The following STIM2 variants were observed in gnomAD, a reference collection of about 807,000 sequenced individuals.
The protein encoded by STIM2 is stromal interaction molecule 2.
In STIM2, 31 loss-of-function variants were observed where a neutral mutation model predicts 85.8. That is an observed-to-expected ratio of 0.36 (90% CI 0.27 to 0.49). STIM2 has a LOEUF of 0.49. Ranked by LOEUF, STIM2 falls within the 20% of genes least tolerant of loss-of-function variation. STIM2 has a pLI of 0.98. For missense variants in STIM2, 841 were observed against 927.6 expected, an observed-to-expected ratio of 0.91 and a Z score of 1.21; for synonymous variants, 356 against 331.1, an observed-to-expected ratio of 1.08 and a Z score of -0.82.
chr4:26,909,280 T>G (rs1377378154), intron 1 of STIM2, among the ~76,000 whole-genome samples: 1 of 152,208 alleles, frequency 6.6e-6, no homozygotes, highest in Non-Finnish European at 1.5e-5. Context: ...CTCTGTTAGG[T>G]GTTTTATACA....
intron 2 of STIM2, among the ~76,000 whole-genome samples, chr4:26,934,768 A>T (rs946350396): frequency 1.3e-5 from 2 of 151,972 alleles, no homozygotes; most frequent in Non-Finnish European, 2.9e-5. Context: ...ACAAAATTAG[A>T]TGGGCATATT....
At chr4:26,938,624 A>C (rs1725479610) in intron 2 of STIM2, among the ~76,000 whole-genome samples, 1 of 152,178 alleles carries the variant, frequency 6.6e-6, no homozygotes, top group African/African-American at 2.4e-5. Context: ...CTGCTCTAGA[A>C]AGCTGTTTGG....
At chr4:26,973,172 T>C (rs965529528) in intron 3 of STIM2, among the ~76,000 whole-genome samples, 16 of 152,214 alleles carry the variant, frequency 1.1e-4, no homozygotes, top group African/African-American at 3.1e-4. Context: ...TCAATTTTGT[T>C]GATCTTTTCA....
intron 3 of STIM2, among the ~76,000 whole-genome samples, chr4:26,984,008 GCTATAATTGAA>G (rs1727492983): frequency 2.6e-5 from 4 of 152,152 alleles, no homozygotes; most frequent in Admixed American, 6.5e-5. Flanking sequence ...TAATTGAAAA[GCTATAATTGAA>G]ATGTTTCTTT....
chr4:26,945,082 C>A (rs1433301186), intron 2 of STIM2, among the ~76,000 whole-genome samples: 1 of 152,052 alleles, frequency 6.6e-6, no homozygotes, highest in African/African-American at 2.4e-5. Context: ...TTTTCCTGAT[C>A]CTCTCCCTCT....
intron 1 of STIM2, among the ~76,000 whole-genome samples, chr4:26,880,631 A>ATAAATATATATGTAAATATATATG (rs1251368292): frequency 1.4e-5 from 2 of 145,980 alleles, no homozygotes; most frequent in Admixed American, 6.9e-5. Flanking sequence ...AAATATATAT[A>ATAAATATATATGTAAATATATATG]TAAATATATA....
At chr4:26,867,395 AG>A (rs1213392990) in intron 1 of STIM2, among the ~76,000 whole-genome samples, 1 of 152,242 alleles carries the variant, frequency 6.6e-6, no homozygotes, top group Non-Finnish European at 1.5e-5. Flanking sequence ...AGTTGTCGAC[AG>A]AAAAACAGTT....
intron 3 of STIM2, among the ~76,000 whole-genome samples, chr4:26,989,480 T>C (rs1245466716): frequency 6.6e-6 from 1 of 152,182 alleles, no homozygotes; most frequent in Admixed American, 6.5e-5. Flanking sequence ...AAAGGCCATA[T>C]ATGACAAGCC....
chr4:26,977,253 G>A (rs1210628012), intron 3 of STIM2, among the ~76,000 whole-genome samples: 3 of 152,206 alleles, frequency 2.0e-5, no homozygotes, highest in African/African-American at 7.2e-5. Flanking sequence ...TAGCTAGAAA[G>A]TAGTAAGGAA....
At chr4:26,952,494 CT>C (rs577046045) in intron 2 of STIM2, among the ~76,000 whole-genome samples, 5 of 151,316 alleles carry the variant, frequency 3.3e-5, no homozygotes, top group African/African-American at 9.7e-5. Context: ...GTACCAAGCA[CT>C]TTTTTTTTGC....
chr4:27,022,516 C>A lies in STIM2; in HGVS notation c.1764-3C>A. The A allele has an allele frequency of 6.3e-7, 1 of 1,576,976 alleles. No homozygotes were observed. The highest frequency in any genetic ancestry group is 8.6e-7 in the Non-Finnish European group (1 of 1,156,302). ...TTTGTACCTTTGTTTGTGTTTCATT[C>A]AGGGAAGTGCCAGACACAGCTTCAG... is the stretch of plus-strand genomic sequence containing the variant. On this transcript the variant is annotated splice_region_variant and splice_polypyrimidine_tract_variant and intron_variant, in intron 11 of 11. Transcript: ENST00000467087.
intron 2 of STIM2, among the ~76,000 whole-genome samples, chr4:26,943,696 CAGTGGATGGGGCTAAGAAAT>C (rs1157867405): frequency 6.6e-6 from 1 of 152,052 alleles, no homozygotes; most frequent in South Asian, 2.1e-4. Flanking sequence ...TATGTCTTCT[CAGTGGATGGGGCTAAGAAAT>C]ATTTTGTTGT....
At chr4:26,994,840 A>T (rs1727898345) in intron 3 of STIM2, among the ~76,000 whole-genome samples, 1 of 152,066 alleles carries the variant, frequency 6.6e-6, no homozygotes, top group Admixed American at 6.6e-5. Flanking sequence ...AGAGAGGCTT[A>T]CCCTGACATC....
At chr4:27,000,982 TA>T (rs1185084092) in intron 5 of STIM2, among the ~76,000 whole-genome samples, 1 of 152,192 alleles carries the variant, frequency 6.6e-6, no homozygotes, top group African/African-American at 2.4e-5. Flanking sequence ...TTTGAGATTG[TA>T]GCTTTCAGCA....
Position 27,024,066 on chromosome 4 carries a change from G to A in STIM2, c.*1070G>A, listed in dbSNP as rs1729003455. 6.6e-6 allele frequency: 1 copy of A among 152,542 alleles called. No homozygotes were observed. Among genetic ancestry groups the A allele is most frequent in the Non-Finnish European group, 1.5e-5 (1 of 68,020 alleles). 9.4% of individuals were successfully genotyped at this position (152,542 alleles called of 1,614,324 possible). A position where few individuals can be genotyped will look rare whatever the true frequency, so the allele number is the denominator to read the frequency against. ...GCTTAGTTGCAATATAAGAAATAGT[G>A]ATGTTTTGGACGTAAGTTGTCAACA... On this transcript the variant is annotated 3_prime_UTR_variant, in exon 12 of 12. Transcript: ENST00000467087.
chr4:26,918,919 T>C (rs928156329), intron 1 of STIM2, among the ~76,000 whole-genome samples: 5 of 152,218 alleles, frequency 3.3e-5, no homozygotes, highest in African/African-American at 1.2e-4. Flanking sequence ...TGTTTGTTGT[T>C]GTCATAGTTG....
intron 3 of STIM2, among the ~76,000 whole-genome samples, chr4:26,974,629 C>G (rs1727110328): frequency 6.6e-6 from 1 of 152,174 alleles, no homozygotes; most frequent in Admixed American, 6.6e-5. Flanking sequence ...ATGGGCTTCC[C>G]TTTGTGGGTA....
intron 3 of STIM2, among the ~76,000 whole-genome samples, chr4:26,974,661 G>T (rs1223744018): frequency 6.6e-6 from 1 of 152,054 alleles, no homozygotes; most frequent in Non-Finnish European, 1.5e-5. Context: ...CTCTCTGGCT[G>T]CCTTAACATT....
At position 27,023,214 on chromosome 4, in the gene STIM2, A is replaced by G; in HGVS notation, c.*218A>G. On this transcript the variant is annotated 3_prime_UTR_variant, in exon 12 of 12. Coordinates refer to ENST00000467087, the MANE Select transcript of STIM2 (RefSeq NM_020860.4). ...CAATTCATCAAGCCAGTTATTACTG[A>G]AAAATCATTGAAATGAGACAGTTTA... 1.9e-6 allele frequency: 1 copy of G among 533,528 alleles called. No homozygotes were observed. Among genetic ancestry groups the G allele is most frequent in the Non-Finnish European group, 3.3e-6 (1 of 299,658 alleles). 33.0% of individuals were successfully genotyped at this position (533,528 alleles called of 1,614,324 possible).
Sources: gnomAD v4.1 joint callset for allele counts (sites outside exome capture counted in the v4.1 genomes callset) on GRCh38, gnomAD v4.1.1 for gene constraint, MANE v1.5 for transcripts, NCBI Gene and HGNC (gene_info 2026-07-23, HGNC 2026-07-21) for gene names.